Variants in NELL1 observed in about 807,000 individuals in gnomAD.
The protein encoded by NELL1 is protein kinase C-binding protein NELL1.
NELL1 carries 76 observed loss-of-function variants against 107.4 expected under a neutral mutation model. That is an observed-to-expected ratio of 0.71 (90% CI 0.59 to 0.86). NELL1 has a LOEUF of 0.86. Among genes scored for constraint, NELL1 ranks in the 40% least tolerant of loss-of-function variants. The probability of loss-of-function intolerance (pLI) is 0.00; values close to 1 mark genes in which losing one functional copy is unlikely to be tolerated. For missense variants in NELL1, 1,024 were observed against 1,005.5 expected (o/e 1.02, Z -0.25); for synonymous variants, 353 against 341.2 (o/e 1.03, Z -0.38).
intron 3 of NELL1, among the ~76,000 whole-genome samples, chr11:20,828,693 C>T (rs1857937916): frequency 6.6e-6 from 1 of 152,176 alleles, no homozygotes. Flanking sequence ...CAGGAGAACT[C>T]AATATTTTTA....
intron 14 of NELL1, among the ~76,000 whole-genome samples, chr11:21,287,224 A>G (rs766019168): frequency 6.6e-6 from 1 of 151,972 alleles, no homozygotes; most frequent in Non-Finnish European, 1.5e-5. Context: ...GAATCTGGCA[A>G]CCCCTCTTTT....
intron 13 of NELL1, among the ~76,000 whole-genome samples, chr11:21,192,908 A>G (rs1857077095): frequency 6.6e-6 from 1 of 151,890 alleles, no homozygotes; most frequent in African/African-American, 2.4e-5. Flanking sequence ...GTCGAGAGAA[A>G]GAGGAAGGCG....
chr11:21,247,115 G>T (rs1858513454), intron 14 of NELL1, among the ~76,000 whole-genome samples: 1 of 152,174 alleles, frequency 6.6e-6, no homozygotes, highest in Admixed American at 6.5e-5. Context: ...ACTGGAGCTT[G>T]CAGGACTGGA....
intron 14 of NELL1, among the ~76,000 whole-genome samples, chr11:21,309,165 A>G (rs1442443031): frequency 2.7e-5 from 4 of 150,158 alleles, no homozygotes; most frequent in South Asian, 2.1e-4. Flanking sequence ...TCACATAACA[A>G]GCAGTTTGAT....
chr11:21,126,416 T>C (rs1228356421), intron 13 of NELL1, among the ~76,000 whole-genome samples: 1 of 152,180 alleles, frequency 6.6e-6, no homozygotes, highest in Non-Finnish European at 1.5e-5. Context: ...GCAATAGCCA[T>C]TGTTAGAAAG....
intron 14 of NELL1, among the ~76,000 whole-genome samples, chr11:21,271,094 G>A (rs1848729907): frequency 6.6e-6 from 1 of 151,750 alleles, no homozygotes; most frequent in Admixed American, 6.6e-5. Flanking sequence ...TAGGAAACTA[G>A]AAAAAAATTA....
intron 2 of NELL1, among the ~76,000 whole-genome samples, chr11:20,761,068 C>G (rs557542464): frequency 6.6e-6 from 1 of 152,302 alleles, no homozygotes; most frequent in African/African-American, 2.4e-5. Flanking sequence ...ATCTTGCTGT[C>G]CAAACTGCAG....
chr11:20,898,319 G>C (rs528695209), intron 5 of NELL1, among the ~76,000 whole-genome samples: 86 of 151,942 alleles, frequency 5.7e-4, no homozygotes, highest in African/African-American at 2.0e-3. Flanking sequence ...CTATTGCGAG[G>C]ACAAAAAACC....
rs796081258 is a variant in NELL1, at chr11:20,751,174, C to CT, written c.185-32494dup. 7.8e-3 allele frequency among the ~76,000 whole-genome samples: 1,145 copies of CT among 145,974 alleles called. 7 individuals carry two copies. Among genetic ancestry groups the CT allele is most frequent in the African/African-American group, 0.024 (981 of 40,058 alleles). The stretch of plus-strand genomic sequence containing the variant: ...AAATCAGGCAGTAGAAGAATTCCAA[C>CT]TTTTTTTTTTTTATGACTGCTTTTC... On this transcript the variant is annotated intron_variant, in intron 2 of 19. Coordinates refer to ENST00000357134, the MANE Select transcript of NELL1 (RefSeq NM_006157.5).
chr11:21,243,233 AAGGTATACTTCTTGT>A (rs1470264742), intron 14 of NELL1, among the ~76,000 whole-genome samples: 1 of 152,206 alleles, frequency 6.6e-6, no homozygotes, highest in African/African-American at 2.4e-5. Context: ...GAACGAATCT[AAGGTATACTTCTTGT>A]AGGTAGAATA....
At chr11:21,441,740 G>A (rs899765669) in intron 15 of NELL1, among the ~76,000 whole-genome samples, 1 of 151,230 alleles carries the variant, frequency 6.6e-6, no homozygotes, top group Non-Finnish European at 1.5e-5. Flanking sequence ...TTGTTGGGTT[G>A]ATAAGGTCTG....
intron 11 of NELL1, among the ~76,000 whole-genome samples, chr11:20,951,211 T>C (rs549962848): frequency 1.1e-4 from 17 of 152,338 alleles, no homozygotes; most frequent in African/African-American, 3.6e-4. Flanking sequence ...AGGCTTTATA[T>C]ATTTTACATA....
At chr11:21,001,664 C>A (rs1324968371) in intron 12 of NELL1, among the ~76,000 whole-genome samples, 1 of 151,702 alleles carries the variant, frequency 6.6e-6, no homozygotes, top group African/African-American at 2.4e-5. Context: ...AAGAAAGAAG[C>A]AAAATAGAGA....
chr11:20,805,294 C>A (rs1195704148), intron 3 of NELL1, among the ~76,000 whole-genome samples: 1 of 152,092 alleles, frequency 6.6e-6, no homozygotes, highest in African/African-American at 2.4e-5. Context: ...CATTCACATT[C>A]AATGTTAATG....
chr11:21,292,652 A>G (rs953121231), intron 14 of NELL1, among the ~76,000 whole-genome samples: 8 of 152,316 alleles, frequency 5.3e-5, no homozygotes, highest in African/African-American at 1.4e-4. Context: ...ACAAAGCTGG[A>G]GGCATCATGG....
At chr11:20,685,049 C>A (rs1023585591) in intron 2 of NELL1, among the ~76,000 whole-genome samples, 5 of 151,616 alleles carry the variant, frequency 3.3e-5, no homozygotes, top group African/African-American at 1.2e-4. Flanking sequence ...CGTCTTTGTG[C>A]TGCTATCTTC....
chr11:20,748,361 C>G (rs1334514241), intron 2 of NELL1, among the ~76,000 whole-genome samples: 1 of 152,144 alleles, frequency 6.6e-6, no homozygotes, highest in Non-Finnish European at 1.5e-5. Flanking sequence ...GATATTTTGT[C>G]TGCAAGTAAC....
chr11:21,182,962 A>C, intron 13 of NELL1, among the ~76,000 whole-genome samples: 1 of 151,888 alleles, frequency 6.6e-6, no homozygotes, highest in East Asian at 1.9e-4. Flanking sequence ...ACAAACAAGA[A>C]GGATGAAGTC....
chr11:21,521,085 TC>T (rs1855714657), intron 15 of NELL1, among the ~76,000 whole-genome samples: 1 of 152,224 alleles, frequency 6.6e-6, no homozygotes, highest in African/African-American at 2.4e-5. Flanking sequence ...TTCTTACAGA[TC>T]TAAAGTTATG....
Sources: gnomAD v4.1 joint callset for allele counts (sites outside exome capture counted in the v4.1 genomes callset) on GRCh38, gnomAD v4.1.1 for gene constraint, MANE v1.5 for transcripts, NCBI Gene and HGNC (gene_info 2026-07-23, HGNC 2026-07-21) for gene names.